The following LRRC4C variants were observed in gnomAD, a reference collection of about 807,000 sequenced individuals.
LRRC4C encodes the protein leucine-rich repeat-containing protein 4C.
Under a neutral mutation model 33.6 loss-of-function variants are expected in LRRC4C, and 5 were observed. The observed-to-expected ratio is 0.15, with a 90% CI of 0.08 to 0.31. The LOEUF is 0.31. Ranked by LOEUF, LRRC4C falls within the 10% of genes least tolerant of loss-of-function variation. The pLI, the probability that LRRC4C is intolerant of heterozygous loss-of-function variation, is 1.00. For synonymous variants in LRRC4C, 329 were observed against 302.0 expected (o/e 1.09, Z -0.93); for missense variants, 560 against 796.7 (o/e 0.70, Z 3.58).
At chr11:40,871,801 T>C (rs1355668877) in intron 2 of LRRC4C, among the ~76,000 whole-genome samples, 1 of 152,138 alleles carries the variant, frequency 6.6e-6, no homozygotes, top group Non-Finnish European at 1.5e-5. Flanking sequence ...TTATCCTTCT[T>C]TATACCTGCC....
intron 2 of LRRC4C, among the ~76,000 whole-genome samples, chr11:40,718,372 C>T (rs1439216836): frequency 6.6e-6 from 1 of 152,122 alleles, no homozygotes. Context: ...GAAAATAATG[C>T]TGAGATTGAG....
At chr11:40,912,367 C>A (rs560131590) in intron 2 of LRRC4C, among the ~76,000 whole-genome samples, 1 of 152,160 alleles carries the variant, frequency 6.6e-6, no homozygotes, top group Non-Finnish European at 1.5e-5. Context: ...ACTCTACAAG[C>A]CAGAAGAAAG....
intron 2 of LRRC4C, among the ~76,000 whole-genome samples, chr11:40,830,581 C>T (rs537785641): frequency 1.3e-5 from 2 of 151,952 alleles, no homozygotes; most frequent in South Asian, 4.2e-4. Context: ...TAAAAGAAAC[C>T]CCAAATCAAA....
intron 5 of LRRC4C, among the ~76,000 whole-genome samples, chr11:40,211,580 G>A (rs1427976574): frequency 2.6e-5 from 4 of 152,070 alleles, no homozygotes. Context: ...GTGTCCAAAG[G>A]TCATATTTCC....
At chr11:40,742,918 C>T (rs1054890994) in intron 2 of LRRC4C, among the ~76,000 whole-genome samples, 1 of 151,958 alleles carries the variant, frequency 6.6e-6, no homozygotes, top group African/African-American at 2.4e-5. Context: ...ACCAGTAGGG[C>T]CTAGTGACAT....
chr11:40,696,088 A>AGT (rs1434570596), intron 2 of LRRC4C, among the ~76,000 whole-genome samples: 106 of 96,326 alleles, frequency 1.1e-3, no homozygotes, highest in African/African-American at 2.5e-3. Context: ...TATATATATG[A>AGT]GTGTGTGTAT....
chr11:40,116,110 A>T lies in LRRC4C; in HGVS notation c.183T>A (p.Ile61=). 2 of 1,614,060 alleles carry T rather than the reference A, an allele frequency of 1.2e-6. No homozygotes were observed. Among genetic ancestry groups the T allele is most frequent in the Admixed American group, 1.7e-5 (1 of 60,016 alleles). The change falls in exon 7 of 7, where the codon ATT becomes ATA. Residue 61 remains isoleucine (I), a synonymous_variant. Transcript: ENST00000528697. The part of the protein sequence containing the change: ...CSCSNQFSKV[I]CVRKNLREVP... ...CCTCACGCAGGTTTTTCCGAACACA[A>T]ATCACCTTGCTGAACTGGTTGCTGC...
intron 2 of LRRC4C, among the ~76,000 whole-genome samples, chr11:40,775,185 T>C (rs112888735): frequency 6.6e-6 from 1 of 152,034 alleles, no homozygotes; most frequent in African/African-American, 2.4e-5. Context: ...CCGAGGTGGA[T>C]GGATCATGAG....
At chr11:41,152,596 T>C (rs1045345692) in intron 1 of LRRC4C, among the ~76,000 whole-genome samples, 2 of 152,196 alleles carry the variant, frequency 1.3e-5, no homozygotes, top group African/African-American at 2.4e-5. Context: ...TTATAAAATG[T>C]ACATATGGTA....
chr11:41,044,802 T>A (rs1857661093), intron 1 of LRRC4C, among the ~76,000 whole-genome samples: 1 of 152,110 alleles, frequency 6.6e-6, no homozygotes, highest in African/African-American at 2.4e-5. Context: ...CCTGTAAATT[T>A]TACATTATTT....
At chr11:40,799,775 T>C (rs1443156109) in intron 2 of LRRC4C, among the ~76,000 whole-genome samples, 1 of 152,226 alleles carries the variant, frequency 6.6e-6, no homozygotes, top group Non-Finnish European at 1.5e-5. Flanking sequence ...GGTCGTAGTA[T>C]AGTCACTTAC....
At chr11:40,821,873 T>A (rs1013530641) in intron 2 of LRRC4C, among the ~76,000 whole-genome samples, 10 of 151,716 alleles carry the variant, frequency 6.6e-5, no homozygotes, top group Admixed American at 3.9e-4. Context: ...TATGGTCAAA[T>A]GATTTTTTTA....
chr11:41,445,333 G>A, intron 1 of LRRC4C, among the ~76,000 whole-genome samples: 1 of 152,138 alleles, frequency 6.6e-6, no homozygotes, highest in Non-Finnish European at 1.5e-5. Context: ...TTTTAATTCT[G>A]AATGAAGGGA....
intron 1 of LRRC4C, among the ~76,000 whole-genome samples, chr11:41,234,620 A>G (rs1432541788): frequency 6.6e-6 from 1 of 151,194 alleles, no homozygotes; most frequent in Non-Finnish European, 1.5e-5. Flanking sequence ...TCTCTGGTAG[A>G]AAGGTGAGAT....
At chr11:41,348,424 T>C (rs1951867781) in intron 1 of LRRC4C, among the ~76,000 whole-genome samples, 1 of 152,270 alleles carries the variant, frequency 6.6e-6, no homozygotes, top group East Asian at 1.9e-4. Flanking sequence ...AGAGTTGTGC[T>C]GTCTACCAGA....
chr11:40,200,162 G>A (rs1275643351), intron 5 of LRRC4C, among the ~76,000 whole-genome samples: 1 of 92,016 alleles, frequency 1.1e-5, no homozygotes, highest in African/African-American at 4.1e-5. Flanking sequence ...GGCCAAAATG[G>A]AGAAAGCCTG....
chr11:40,774,765 C>A (rs1280482901), intron 2 of LRRC4C, among the ~76,000 whole-genome samples: 1 of 152,004 alleles, frequency 6.6e-6, no homozygotes, highest in Non-Finnish European at 1.5e-5. Context: ...AAAAATTATA[C>A]ACACAAAAAG....
At chr11:40,473,956 CACAA>C (rs1220826443) in intron 3 of LRRC4C, among the ~76,000 whole-genome samples, 8 of 152,024 alleles carry the variant, frequency 5.3e-5, no homozygotes, top group African/African-American at 4.8e-5. Flanking sequence ...TAAGAGAGGA[CACAA>C]ACAAACGGAA....
chr11:41,236,959 A>C lies in LRRC4C; in HGVS notation c.-496+222472T>G, dbSNP rs1183506620. Among the ~76,000 whole-genome samples the C allele has an allele frequency of 2.0e-5, 3 of 152,230 alleles. No individual in the cohort carries two copies. In the Middle Eastern group the frequency reaches 9.5e-3, roughly 482 times the overall value. On this transcript the variant is annotated intron_variant, in intron 1 of 6. Transcript: ENST00000528697. ...CCTGAAAGGCAGGCACAATTTTGGT[A>C]AACAAGAGGCAAAGCACATGCTTTC...
Sources: allele counts gnomAD v4.1 joint callset (sites outside exome capture counted in the v4.1 genomes callset), GRCh38; gene constraint gnomAD v4.1.1; transcripts MANE v1.5; gene names NCBI Gene and HGNC (gene_info 2026-07-23, HGNC 2026-07-21).